The following GRM5 variants were observed in gnomAD, a reference collection of about 807,000 sequenced individuals.
GRM5 encodes metabotropic glutamate receptor 5.
GRM5 carries 19 observed loss-of-function variants against 83.1 expected under a neutral mutation model. That is an observed-to-expected ratio of 0.23 (90% CI 0.16 to 0.34). The LOEUF is 0.34. Among genes scored for constraint, GRM5 ranks in the 10% least tolerant of loss-of-function variants. GRM5 has a pLI of 1.00. For synonymous variants in GRM5, 675 were observed against 633.6 expected, an observed-to-expected ratio of 1.07 and a Z score of -0.98; for missense variants, 1,160 against 1,588.3, an observed-to-expected ratio of 0.73 and a Z score of 4.58.
At chr11:88,895,016 AACTG>A (rs1159992134) in intron 2 of GRM5, among the ~76,000 whole-genome samples, 1 of 152,008 alleles carries the variant, frequency 6.6e-6, no homozygotes, top group East Asian at 1.9e-4. Context: ...TAGTAGCCTG[AACTG>A]ACTAAGAGAG....
intron 3 of GRM5, among the ~76,000 whole-genome samples, chr11:88,672,342 CATATT>C (rs1014961602): frequency 1.3e-5 from 2 of 151,854 alleles, no homozygotes; most frequent in African/African-American, 4.8e-5. Context: ...TGATGACAAA[CATATT>C]ATATCTGTCC....
intron 2 of GRM5, among the ~76,000 whole-genome samples, chr11:88,963,027 T>G (rs773578280): frequency 1.9e-4 from 29 of 152,172 alleles, no homozygotes; most frequent in Non-Finnish European, 7.4e-5. Flanking sequence ...AGGCAGAGGT[T>G]GCAGTGAGCT....
intron 3 of GRM5, among the ~76,000 whole-genome samples, chr11:88,730,687 A>G (rs971427682): frequency 9.2e-5 from 14 of 152,360 alleles, no homozygotes; most frequent in Non-Finnish European, 1.5e-4. Context: ...CTATGAAGCC[A>G]TAAAAAAAGG....
At chr11:88,676,140 A>T (rs1565182155) in intron 3 of GRM5, among the ~76,000 whole-genome samples, 1 of 151,992 alleles carries the variant, frequency 6.6e-6, no homozygotes, top group African/African-American at 2.4e-5. Context: ...AATGTCTTGC[A>T]TTTTATTATA....
At chr11:88,543,725 T>C (rs1175904590) in intron 8 of GRM5, among the ~76,000 whole-genome samples, 1 of 151,522 alleles carries the variant, frequency 6.6e-6, no homozygotes, top group East Asian at 1.9e-4. Flanking sequence ...CTATACTTCC[T>C]TACTAACATT....
intron 3 of GRM5, among the ~76,000 whole-genome samples, chr11:88,842,904 A>C (rs4639937): frequency 6.6e-6 from 1 of 152,184 alleles, no homozygotes; most frequent in Non-Finnish European, 1.5e-5. Context: ...AACTCCACTT[A>C]TCCAAAACTG....
At chr11:88,676,378 T>G (rs914780011) in intron 3 of GRM5, among the ~76,000 whole-genome samples, 2 of 152,034 alleles carry the variant, frequency 1.3e-5, no homozygotes, top group Admixed American at 1.3e-4. Context: ...TGAGATACAA[T>G]GACAAGCTGT....
intron 9 of GRM5, among the ~76,000 whole-genome samples, chr11:88,510,798 G>C (rs1941347204): frequency 1.3e-5 from 2 of 152,212 alleles, no homozygotes; most frequent in Non-Finnish European, 2.9e-5. Flanking sequence ...TTACAGGCGT[G>C]AGCCACTGCG....
chr11:89,037,209 T>C (rs1232872881), intron 2 of GRM5, among the ~76,000 whole-genome samples: 2 of 152,088 alleles, frequency 1.3e-5, no homozygotes, highest in East Asian at 1.9e-4. Context: ...ATTTGTTAAA[T>C]GTAAATGTTT....
At chr11:88,659,463 GT>G (rs915497623) in intron 3 of GRM5, among the ~76,000 whole-genome samples, 4 of 152,210 alleles carry the variant, frequency 2.6e-5, no homozygotes, top group Admixed American at 2.6e-4. Flanking sequence ...TTGTATGTAT[GT>G]TTTTGTTTGC....
chr11:88,727,986 C>T (rs6483403), intron 3 of GRM5, among the ~76,000 whole-genome samples: 88,485 of 151,846 alleles, frequency 0.58, 27,834 homozygotes, highest in South Asian at 0.8. Flanking sequence ...GAAGAGCAAA[C>T]AAATTCAACA....
intron 3 of GRM5, among the ~76,000 whole-genome samples, chr11:88,796,179 A>C (rs1020845682): frequency 1.3e-5 from 2 of 152,332 alleles, no homozygotes; most frequent in South Asian, 4.1e-4. Flanking sequence ...AATGTGTTTC[A>C]AGGAATCAGC....
In GRM5 at chr11:88,793,039, C is replaced by G. The variant is rs918285819; in HGVS notation, c.911+56867G>C. On this transcript the variant is annotated intron_variant, in intron 3 of 9. Coordinates refer to ENST00000305447, the MANE Select transcript of GRM5 (RefSeq NM_001143831.3). ...TTCTGATACTATTTAGAGTATAGCA[C>G]TAGCCTTATGTTTATGATCACTATG... Among the ~76,000 whole-genome samples, 8 of 151,990 alleles carry G rather than the reference C, an allele frequency of 5.3e-5. No homozygotes were observed. In the South Asian group the frequency reaches 6.2e-4, roughly 12 times the overall value.
At chr11:88,579,231 A>G (rs1369743512) in intron 7 of GRM5, among the ~76,000 whole-genome samples, 1 of 152,142 alleles carries the variant, frequency 6.6e-6, no homozygotes, top group Non-Finnish European at 1.5e-5. Context: ...TACTCAATAC[A>G]TGGGGATTTC....
intron 3 of GRM5, among the ~76,000 whole-genome samples, chr11:88,846,660 T>A (rs11021587): frequency 1.3e-5 from 2 of 152,008 alleles, no homozygotes; most frequent in Non-Finnish European, 1.5e-5. Context: ...GACCTTCTAG[T>A]AGGCTCTAAA....
At chr11:88,609,595 G>T (rs1938260892) in intron 4 of GRM5, among the ~76,000 whole-genome samples, 1 of 152,056 alleles carries the variant, frequency 6.6e-6, no homozygotes, top group South Asian at 2.1e-4. Flanking sequence ...TTTTTTGCCT[G>T]CTGATTTGGT....
At position 88,604,906 on chromosome 11, in the gene GRM5, G is replaced by A. The variant is rs61745770; in HGVS notation, c.1206C>T (p.Asn402=). The A allele has an allele frequency of 4.3e-3, 6,930 of 1,609,894 alleles. 262 individuals carry two copies. In the African/African-American group the frequency reaches 0.081, roughly 19 times the overall value. ...GCCCATAGGCCATCGAATAGATGGCGTTGATCACAAATCCCATTTTGGAAT... is the reference window on the plus strand; with the variant it reads ...GCCCATAGGCCATCGAATAGATGGCATTGATCACAAATCCCATTTTGGAAT... ...VQDSKMGFVI[N]AIYSMAYGLH... Residue 402 remains asparagine, a synonymous_variant, in exon 5 of 10, where the codon AAC becomes AAT. Coordinates refer to ENST00000305447, the MANE Select transcript of GRM5 (RefSeq NM_001143831.3).
intron 6 of GRM5, 36 bp downstream of exon 6, chr11:88,597,148 A>G: frequency 7.1e-7 from 1 of 1,405,466 alleles, no homozygotes; most frequent in Non-Finnish European, 9.6e-7. Flanking sequence ...TGTTGAATTT[A>G]CAACAAAAAT....
At chr11:88,872,237 C>T (rs1944781595) in intron 2 of GRM5, among the ~76,000 whole-genome samples, 1 of 151,248 alleles carries the variant, frequency 6.6e-6, no homozygotes, top group Non-Finnish European at 1.5e-5. Context: ...AATTAATCAC[C>T]AAGGAAGAAG....
Sources: allele counts gnomAD v4.1 joint callset (sites outside exome capture counted in the v4.1 genomes callset), GRCh38; gene constraint gnomAD v4.1.1; transcripts MANE v1.5; gene names NCBI Gene and HGNC (gene_info 2026-07-23, HGNC 2026-07-21).